Variants in ARHGAP19 observed in about 807,000 individuals in gnomAD.
ARHGAP19 encodes the protein Rho GTPase activating protein 19.
Under a neutral mutation model 60.9 loss-of-function variants are expected in ARHGAP19, and 48 were observed. The observed-to-expected ratio is 0.79, with a 90% CI of 0.62 to 1.00. ARHGAP19 has a LOEUF of 1.00. Ranked by LOEUF, ARHGAP19 falls within the 50% of genes least tolerant of loss-of-function variation. The pLI, the probability that ARHGAP19 is intolerant of heterozygous loss-of-function variation, is 0.00. For missense variants in ARHGAP19, 562 were observed against 597.2 expected (o/e 0.94, Z 0.61); for synonymous variants, 209 against 215.5 (o/e 0.97, Z 0.27).
rs1850919806 is a variant in ARHGAP19 at position 97,227,502 on chromosome 10, G to A, written c.1475-1370C>T. Among the ~76,000 whole-genome samples, 4 of 152,064 alleles carry A rather than the reference G, an allele frequency of 2.6e-5. No individual in the cohort carries two copies. In the South Asian group the frequency reaches 8.3e-4, roughly 31 times the overall value. On this transcript the variant is annotated intron_variant, in intron 11 of 11. Transcript: ENST00000358531. ...AAAAAAATAAAGATGTAGTGGAATA[G>A]GCAAACAACAGTAAGCCACTGCAGA... is the stretch of plus-strand genomic sequence containing the variant.
At chr10:97,233,405 T>G (rs1851063506) in intron 9 of ARHGAP19, among the ~76,000 whole-genome samples, 1 of 151,900 alleles carries the variant, frequency 6.6e-6, no homozygotes, top group Non-Finnish European at 1.5e-5. Context: ...GGGCAAAAAT[T>G]TTAAATTTTA....
At chr10:97,264,948 A>C (rs1236442637) in intron 2 of ARHGAP19, 42 bp from the exon 3 acceptor site, 2 of 1,441,800 alleles carry the variant, frequency 1.4e-6, no homozygotes, top group Non-Finnish European at 1.9e-6. Flanking sequence ...TTTCACACAA[A>C]TAGTACAAAA....
chr10:97,244,274 C>G, intron 7 of ARHGAP19, 115 bp from the exon 8 acceptor site: 1 of 731,888 alleles, frequency 1.4e-6, no homozygotes, highest in Non-Finnish European at 2.2e-6. Context: ...TACTCCTATA[C>G]TCAGGAACAA....
chr10:97,230,469 TTTC>T (rs1243196579), intron 9 of ARHGAP19, among the ~76,000 whole-genome samples: 1 of 152,176 alleles, frequency 6.6e-6, no homozygotes, highest in Non-Finnish European at 1.5e-5. Flanking sequence ...CTAAAAGCCC[TTTC>T]ATCTCTGAAC....
Position 97,263,533 on chromosome 10 carries a change from T to A in ARHGAP19, c.500A>T (p.Glu167Val). Residue 167 changes from glutamate (E) to valine (V), a missense_variant, in exon 4 of 12, where the codon GAA becomes GTA. Physicochemically the swap from Glu to Val is moderately radical, Grantham distance 121 (BLOSUM62 -2). Transcript: ENST00000358531. ...ATCATTTGAGTGAAATTCCCCTGATTCCAAGTCAATGTCAGTTCCATTATT... is the reference window on the plus strand; with the variant it reads ...ATCATTTGAGTGAAATTCCCCTGATACCAAGTCAATGTCAGTTCCATTATT... ...ALNNGTDIDL[E>V]SGEFHSNDVA... The A allele has an allele frequency of 6.2e-7, 1 of 1,614,120 alleles. No individual in the cohort carries two copies. Among genetic ancestry groups the A allele is most frequent in the Non-Finnish European group, 8.5e-7 (1 of 1,180,026 alleles).
At position 97,242,363 on chromosome 10, in the gene ARHGAP19, C is replaced by T. The variant is rs542874260; in HGVS notation, c.1185+1605G>A. ...TTTTTTTTTTTTTGAGACGGGGTTTCGCTCTTGTTGCCCAGGCTGGAGTGC... is the reference window on the plus strand; with the variant it reads ...TTTTTTTTTTTTTGAGACGGGGTTTTGCTCTTGTTGCCCAGGCTGGAGTGC... On this transcript the variant is annotated intron_variant, in intron 8 of 11. Transcript: ENST00000358531. Among the ~76,000 whole-genome samples, 6 of 49,162 alleles carry T rather than the reference C, an allele frequency of 1.2e-4. No individual in the cohort carries two copies. The South Asian group carries it at 2.1e-3, about 17-fold the overall frequency. The allele number at this position is 49,162 out of a possible 152,430, so 32.3% of individuals were successfully genotyped here. A position where few individuals can be genotyped will look rare whatever the true frequency, so the allele number is the denominator to read the frequency against.
chr10:97,288,525 G>A (rs982559548), intron 1 of ARHGAP19, among the ~76,000 whole-genome samples: 1 of 149,974 alleles, frequency 6.7e-6, no homozygotes, highest in African/African-American at 2.5e-5. Context: ...AGGTTGCAGT[G>A]AGCTGAGATC....
chr10:97,239,553 TGTG>T (rs1564713520), intron 8 of ARHGAP19, among the ~76,000 whole-genome samples: 304 of 10,302 alleles, frequency 0.03, 8 homozygotes, highest in Admixed American at 0.04. Flanking sequence ...AGAGAGAGGG[TGTG>T]TGTGTGTGTG....
intron 6 of ARHGAP19, among the ~76,000 whole-genome samples, chr10:97,247,966 C>CTT (rs377506718): frequency 0.032 from 4,385 of 134,980 alleles, 205 homozygotes; most frequent in African/African-American, 0.09. Flanking sequence ...GTGGTTTTGA[C>CTT]TTTTTTTTTT....
chr10:97,283,174 T>A (rs1356225432), intron 1 of ARHGAP19, among the ~76,000 whole-genome samples: 1 of 152,098 alleles, frequency 6.6e-6, no homozygotes, highest in Non-Finnish European at 1.5e-5. Context: ...CTAGCTGAAT[T>A]TAGTTTATAT....
intron 4 of ARHGAP19, among the ~76,000 whole-genome samples, chr10:97,263,201 A>C (rs1842853922): frequency 6.6e-6 from 1 of 152,196 alleles, no homozygotes; most frequent in South Asian, 2.1e-4. Flanking sequence ...CCAGCTCCTT[A>C]TCTCAATACA....
At chr10:97,259,845 G>T (rs1842805229) in intron 4 of ARHGAP19, among the ~76,000 whole-genome samples, 1 of 149,776 alleles carries the variant, frequency 6.7e-6, no homozygotes, top group South Asian at 2.1e-4. Context: ...GTTTTGTTTT[G>T]TTTTTTTTGA....
At chr10:97,234,603 A>G (rs1851094711) in intron 9 of ARHGAP19, among the ~76,000 whole-genome samples, 1 of 152,314 alleles carries the variant, frequency 6.6e-6, no homozygotes, top group Middle Eastern at 3.4e-3. Flanking sequence ...ACCTGATGGC[A>G]ATATTCCTTC....
At chr10:97,256,655 A>G (rs978543660) in intron 5 of ARHGAP19, 1 of 354,312 alleles carries the variant, frequency 2.8e-6, no homozygotes, top group East Asian at 5.0e-5. Context: ...AAAATTAGAC[A>G]TGTAAACAAA....
In ARHGAP19 at chr10:97,266,270, A is replaced by G. The variant is rs866039729; in HGVS notation, c.57-145T>C. 62 of 868,400 alleles carry G rather than the reference A, an allele frequency of 7.1e-5. No individual in the cohort carries two copies. In the Middle Eastern group the frequency reaches 7.2e-4, roughly 10 times the overall value. The allele number at this position is 868,400 out of a possible 1,614,324, so 53.8% of individuals were successfully genotyped here. A position where few individuals can be genotyped will look rare whatever the true frequency, so the allele number is the denominator to read the frequency against. ...CCTTTAACTGAGCCAGATGCCCTTG[A>G]ACACTGTTCCTTATAACCACAAAGC... is the stretch of plus-strand genomic sequence containing the variant. On this transcript the variant is annotated intron_variant, in intron 1 of 11. Transcript: ENST00000358531.
intron 6 of ARHGAP19, among the ~76,000 whole-genome samples, chr10:97,253,377 C>G (rs534876748): frequency 7.9e-6 from 1 of 126,552 alleles, no homozygotes; most frequent in African/African-American, 2.8e-5. Flanking sequence ...AAAACTCTAT[C>G]TCAAAAAAAA....
At chr10:97,239,728 CA>C (rs1265799613) in intron 8 of ARHGAP19, among the ~76,000 whole-genome samples, 1 of 150,520 alleles carries the variant, frequency 6.6e-6, no homozygotes, top group Non-Finnish European at 1.5e-5. Context: ...TTTTTTTTGA[CA>C]TGAGTTTCAC....
chr10:97,268,043 T>C (rs1842920910), intron 1 of ARHGAP19, among the ~76,000 whole-genome samples: 1 of 152,194 alleles, frequency 6.6e-6, no homozygotes, highest in Admixed American at 6.5e-5. Flanking sequence ...TTCTACTGCA[T>C]TGTCAGGCTG....
intron 4 of ARHGAP19, 143 bp from the exon 5 acceptor site, chr10:97,259,771 C>T: frequency 3.1e-6 from 2 of 638,916 alleles, no homozygotes; most frequent in East Asian, 2.7e-5. Flanking sequence ...AAGACTACAG[C>T]AAAACATAAT....
Sources: allele counts gnomAD v4.1 joint callset (sites outside exome capture counted in the v4.1 genomes callset), GRCh38; gene constraint gnomAD v4.1.1; transcripts MANE v1.5; gene names NCBI Gene and HGNC (gene_info 2026-07-23, HGNC 2026-07-21).